GLIS1: variants seen among roughly 807,000 people sequenced by gnomAD.
GLIS1 encodes zinc finger protein GLIS1.
Under a neutral mutation model 63.8 loss-of-function variants are expected in GLIS1, and 24 were observed. The ratio of observed to expected loss-of-function variants is 0.38; its 90% CI spans 0.27 to 0.53. GLIS1 has a LOEUF of 0.53. Among genes scored for constraint, GLIS1 ranks in the 20% least tolerant of loss-of-function variants. GLIS1 has a pLI of 0.85. For synonymous variants in GLIS1, 450 were observed against 482.5 expected, an observed-to-expected ratio of 0.93 and a Z score of 0.88; for missense variants, 1,036 against 1,074.1, an observed-to-expected ratio of 0.96 and a Z score of 0.50.
intron 4 of GLIS1, among the ~76,000 whole-genome samples, chr1:53,548,385 G>A (rs1381000027): frequency 6.6e-6 from 1 of 152,230 alleles, no homozygotes; most frequent in South Asian, 2.1e-4. Flanking sequence ...CCATGGACAG[G>A]GGCTCTCGGG....
intron 2 of GLIS1, among the ~76,000 whole-genome samples, chr1:53,663,424 G>A (rs947152453): frequency 1.3e-5 from 2 of 152,182 alleles, no homozygotes; most frequent in East Asian, 3.9e-4. Flanking sequence ...GGGCCATGCT[G>A]AGCACTTTCC....
Position 53,609,608 on chromosome 1 carries a change from C to A in GLIS1, c.260-9330G>T, listed in dbSNP as rs1049744945. Among the ~76,000 whole-genome samples the A allele has an allele frequency of 3.9e-5, 6 of 152,286 alleles. No homozygotes were observed. In the East Asian group the frequency reaches 1.2e-3, roughly 29 times the overall value. The stretch of plus-strand genomic sequence containing the variant: ...TTTGAACCTATTCTAGGTTTTCTCT[C>A]CTTTCTTACCTTCTTTCAAATTAAT... On this transcript the variant is annotated intron_variant, in intron 2 of 10. Coordinates refer to ENST00000628545, the MANE Select transcript of GLIS1 (RefSeq NM_001367484.1).
At chr1:53,548,734 C>T (rs555799557) in intron 4 of GLIS1, among the ~76,000 whole-genome samples, 1 of 152,356 alleles carries the variant, frequency 6.6e-6, no homozygotes, top group Admixed American at 6.5e-5. Context: ...TGTGGTCATC[C>T]ATGAACCTTC....
Position 53,739,132 on chromosome 1 carries a change from G to A in GLIS1, c.-70C>T, listed in dbSNP as rs1008945142. 2.3e-4 allele frequency among the ~76,000 whole-genome samples: 35 copies of A among 150,938 alleles called. No homozygotes were observed. Among genetic ancestry groups the A allele is most frequent in the African/African-American group, 7.0e-4 (29 of 41,366 alleles). ...CGCAGCGGCAGCTGCAGATCGCTGG[G>A]CGCCCGGCTCGGCGCGCCTCCACTG... On this transcript the variant is annotated 5_prime_UTR_variant, in exon 1 of 11. Transcript: ENST00000628545.
At chr1:53,667,859 C>G (rs1422296212) in intron 2 of GLIS1, among the ~76,000 whole-genome samples, 3 of 152,196 alleles carry the variant, frequency 2.0e-5, no homozygotes, top group Non-Finnish European at 4.4e-5. Context: ...TCTCTTAATA[C>G]TATTATATTG....
At chr1:53,693,833 C>T (rs1646435137) in intron 2 of GLIS1, among the ~76,000 whole-genome samples, 1 of 152,236 alleles carries the variant, frequency 6.6e-6, no homozygotes, top group African/African-American at 2.4e-5. Context: ...CGATCGCTGC[C>T]TTACCTAACC....
intron 2 of GLIS1, among the ~76,000 whole-genome samples, chr1:53,681,043 G>A (rs1646269775): frequency 6.6e-6 from 1 of 152,246 alleles, no homozygotes; most frequent in Non-Finnish European, 1.5e-5. Flanking sequence ...CAGCCTGACT[G>A]CGCTGATACT....
chr1:53,546,679 C>G (rs893705412), intron 4 of GLIS1, among the ~76,000 whole-genome samples: 1 of 152,230 alleles, frequency 6.6e-6, no homozygotes. Flanking sequence ...TCCATGCAAC[C>G]GACACCAAGG....
chr1:53,514,898 C>T (rs1296223112), intron 7 of GLIS1, 117 bp from the exon 8 acceptor site: 11 of 1,261,286 alleles, frequency 8.7e-6, no homozygotes, highest in Non-Finnish European at 1.1e-5. Context: ...GGAAAATGAA[C>T]AACGTTGTAT....
At chr1:53,721,292 G>A (rs1403940717) in intron 2 of GLIS1, among the ~76,000 whole-genome samples, 2 of 152,088 alleles carry the variant, frequency 1.3e-5, no homozygotes, top group African/African-American at 4.8e-5. Flanking sequence ...GCGTAACCCT[G>A]GACTAGTTCC....
intron 2 of GLIS1, among the ~76,000 whole-genome samples, chr1:53,669,881 A>T (rs537122344): frequency 6.6e-6 from 1 of 152,316 alleles, no homozygotes; most frequent in Admixed American, 6.5e-5. Context: ...CAGGCAGCAG[A>T]GGGTGGGGGA....
intron 2 of GLIS1, among the ~76,000 whole-genome samples, chr1:53,719,524 C>T (rs1646732301): frequency 6.6e-6 from 1 of 152,174 alleles, no homozygotes; most frequent in African/African-American, 2.4e-5. Flanking sequence ...TGGCCAATGC[C>T]TACTGTTAAG....
In GLIS1 at chr1:53,538,437, G is replaced by GTGGA. The variant is rs146968303; in HGVS notation, c.1321-8489_1321-8486dup. Among the ~76,000 whole-genome samples the GTGGA allele has an allele frequency of 1.3e-3, 200 of 152,314 alleles. 2 individuals carry two copies. Among genetic ancestry groups the GTGGA allele is most frequent in the African/African-American group, 4.6e-3 (191 of 41,554 alleles). On this transcript the variant is annotated intron_variant, in intron 4 of 10. Transcript: ENST00000628545. ...TCCTGCAACCCCTATTGTTACAGAG[G>GTGGA]TGGAAACTGAGTTTAGGTGAAGTGC...
chr1:53,579,695 C>T (rs767862725), intron 4 of GLIS1, among the ~76,000 whole-genome samples: 20 of 152,224 alleles, frequency 1.3e-4, no homozygotes, highest in South Asian at 6.2e-4. Context: ...GTGCTTGCCG[C>T]GGGGGCAGCC....
intron 7 of GLIS1, among the ~76,000 whole-genome samples, chr1:53,519,432 A>T (rs887538255): frequency 1.6e-4 from 24 of 152,244 alleles, no homozygotes; most frequent in Admixed American, 1.4e-3. Flanking sequence ...GAAAGAATAA[A>T]AAATTAGAAA....
At chr1:53,732,204 G>T (rs185198185) in intron 2 of GLIS1, among the ~76,000 whole-genome samples, 160 of 152,346 alleles carry the variant, frequency 1.1e-3, no homozygotes, top group Non-Finnish European at 1.7e-3. Flanking sequence ...GAAACCTACT[G>T]AAGGAATAAT....
At chr1:53,733,927 C>A in intron 2 of GLIS1, 1 of 985,368 alleles carries the variant, frequency 1.0e-6, no homozygotes, top group Non-Finnish European at 1.2e-6. Flanking sequence ...ATGCGCTAGC[C>A]TTCCAAGGCC....
chr1:53,606,818 C>A (rs983356274), intron 2 of GLIS1, among the ~76,000 whole-genome samples: 3 of 152,256 alleles, frequency 2.0e-5, no homozygotes, highest in Non-Finnish European at 4.4e-5. Flanking sequence ...TGCCGCCCAC[C>A]ACCTCTTATC....
At chr1:53,657,597 C>A (rs1405480) in intron 2 of GLIS1, among the ~76,000 whole-genome samples, 1 of 151,534 alleles carries the variant, frequency 6.6e-6, no homozygotes, top group Non-Finnish European at 1.5e-5. Flanking sequence ...CCCTGCCGGA[C>A]GCATCCACAA....
Sources: gnomAD v4.1 joint callset for allele counts (sites outside exome capture counted in the v4.1 genomes callset) on GRCh38, gnomAD v4.1.1 for gene constraint, MANE v1.5 for transcripts, NCBI Gene and HGNC (gene_info 2026-07-23, HGNC 2026-07-21) for gene names.